Variants in CAPN3 observed in about 807,000 individuals in gnomAD.
The protein encoded by CAPN3 is calpain-3.
Under a neutral mutation model 114.0 loss-of-function variants are expected in CAPN3, and 88 were observed. The observed-to-expected ratio is 0.77, with a 90% CI of 0.65 to 0.92. The LOEUF (loss-of-function observed/expected upper bound fraction) is 0.92. Among genes scored for constraint, CAPN3 ranks in the 40% least tolerant of loss-of-function variants. CAPN3 has a pLI of 0.00. For synonymous variants in CAPN3, 386 were observed against 382.9 expected (o/e 1.01, Z -0.09); for missense variants, 1,028 against 1,069.0 (o/e 0.96, Z 0.53).
At chr15:42,391,102 A>G (rs977260173) in intron 6 of CAPN3, among the ~76,000 whole-genome samples, 1 of 152,082 alleles carries the variant, frequency 6.6e-6, no homozygotes, top group Admixed American at 6.6e-5. Flanking sequence ...CTAGTTTGAT[A>G]TTCTTAATGT....
At chr15:42,402,341 C>CT in intron 12 of CAPN3, 6 of 1,487,000 alleles carry the variant, frequency 4.0e-6, no homozygotes, top group Non-Finnish European at 5.3e-6. Context: ...TGTGCACTTT[C>CT]TCCCTCGCAC....
At chr15:42,407,311 G>C (rs1258892680) in intron 15 of CAPN3, among the ~76,000 whole-genome samples, 1 of 151,956 alleles carries the variant, frequency 6.6e-6, no homozygotes, top group African/African-American at 2.4e-5. Context: ...TAAAGGATGA[G>C]TAAACTGAGG....
intron 1 of CAPN3, among the ~76,000 whole-genome samples, chr15:42,365,171 G>A (rs918782917): frequency 6.6e-6 from 1 of 152,158 alleles, no homozygotes; most frequent in African/African-American, 2.4e-5. Flanking sequence ...GCTTGGAGAA[G>A]GAAGGGCCCA....
intron 19 of CAPN3, 36 bp from the exon 20 acceptor site, chr15:42,410,392 G>C (rs752172762): frequency 6.2e-7 from 1 of 1,602,254 alleles, no homozygotes; most frequent in Non-Finnish European, 8.6e-7. Context: ...GGGGGATTTT[G>C]CTGTGTGCTG....
rs777052520 is a variant in CAPN3 at position 42,359,864 on chromosome 15, C to T, written c.59C>T (p.Pro20Leu). 4 of 1,614,088 alleles carry T rather than the reference C, an allele frequency of 2.5e-6. No individual in the cohort carries two copies. In the East Asian group the frequency reaches 6.7e-5, roughly 27 times the overall value. The change falls in exon 1 of 24, where the codon CCA (proline) becomes CTA (leucine). Residue 20 changes from proline to leucine, a missense_variant. By Grantham distance (98) the Pro-to-Leu change is moderately conservative. Transcript: ENST00000397163. Reference protein sequence around the residue: ...APRTAAEPRSPGPVPHPAQSK... With the variant: ...APRTAAEPRSLGPVPHPAQSK... ...AGGACAGCGGCTGAGCCCCGGTCCC[C>T]AGGGCCAGTTCCTCACCCGGCCCAG...
At chr15:42,399,337 C>T (rs1566979309) in intron 9 of CAPN3, among the ~76,000 whole-genome samples, 155 bp from the exon 10 acceptor site, 3 of 152,128 alleles carry the variant, frequency 2.0e-5, no homozygotes, top group Admixed American at 6.6e-5. Flanking sequence ...GAAGTGACAG[C>T]GTTTGCCCTA....
intron 2 of CAPN3, among the ~76,000 whole-genome samples, chr15:42,385,049 G>T (rs1397857289): frequency 2.0e-5 from 3 of 152,204 alleles, no homozygotes; most frequent in Non-Finnish European, 4.4e-5. Flanking sequence ...ATGTGGATGA[G>T]CATCCAATTT....
At chr15:42,367,593 C>T (rs951319322) in intron 1 of CAPN3, among the ~76,000 whole-genome samples, 3 of 152,162 alleles carry the variant, frequency 2.0e-5, no homozygotes, top group African/African-American at 4.8e-5. Context: ...CTACTTTCAG[C>T]CTTTCCAGAT....
intron 8 of CAPN3, among the ~76,000 whole-genome samples, chr15:42,394,824 A>T (rs1239241665): frequency 6.6e-6 from 1 of 152,176 alleles, no homozygotes; most frequent in Non-Finnish European, 1.5e-5. Context: ...CCTTTGAAAG[A>T]ATTTTACTGC....
At chr15:42,407,908 GTC>G (rs1213217647) in intron 15 of CAPN3, among the ~76,000 whole-genome samples, 6 of 151,802 alleles carry the variant, frequency 4.0e-5, no homozygotes, top group Non-Finnish European at 7.4e-5. Flanking sequence ...AAAAAAAAAA[GTC>G]TACAAAATAC....
At chr15:42,396,732 C>T (rs1009274347) in intron 8 of CAPN3, 68 bp from the exon 9 acceptor site, 1 of 1,220,676 alleles carries the variant, frequency 8.2e-7, no homozygotes. Flanking sequence ...TCTCTGATAC[C>T]TCCTGTCCCA....
intron 1 of CAPN3, among the ~76,000 whole-genome samples, chr15:42,368,986 A>G (rs1407047971): frequency 3.3e-5 from 5 of 152,252 alleles, no homozygotes; most frequent in Non-Finnish European, 7.3e-5. Flanking sequence ...AAATGGCTCA[A>G]TAAAGACAGG....
intron 4 of CAPN3, 114 bp downstream of exon 4, chr15:42,388,000 T>A (rs1441123487): frequency 7.7e-7 from 1 of 1,294,076 alleles, no homozygotes; most frequent in East Asian, 2.3e-5. Context: ...TGCATATGTG[T>A]GGGCATGCAA....
intron 23 of CAPN3, 54 bp from the exon 24 acceptor site, chr15:42,411,693 G>GC (rs1555423371): frequency 2.1e-5 from 15 of 708,858 alleles, no homozygotes; most frequent in Middle Eastern, 3.7e-4. Context: ...TAGGGCGGGG[G>GC]GGGGGGGGGT....
At position 42,410,096 on chromosome 15, in the gene CAPN3, C is replaced by T. The variant is rs993064356; in HGVS notation, c.2115+101C>T. 3 of 1,085,996 alleles carry T rather than the reference C, an allele frequency of 2.8e-6. No individual in the cohort carries two copies. The African/African-American group carries it at 4.6e-5, about 17-fold the overall frequency. 67.3% of individuals were successfully genotyped at this position (1,085,996 alleles called of 1,614,324 possible). A position where few individuals can be genotyped will look rare whatever the true frequency, so the allele number is the denominator to read the frequency against. On this transcript the variant is annotated intron_variant, in intron 19 of 23. Transcript: ENST00000397163. ...TCAGGCAAAGGGCCCTAATTTGTGC[C>T]CAGGGAAACTTAAGGAGACCCTGAT...
At chr15:42,401,547 G>A in intron 10 of CAPN3, 94 bp from the exon 11 acceptor site, 2 of 1,015,260 alleles carry the variant, frequency 2.0e-6, no homozygotes, top group South Asian at 1.3e-5. Context: ...GCACCTAGAT[G>A]TAGGGAATAG....
intron 1 of CAPN3, chr15:42,374,080 C>T (rs1004114111): frequency 6.6e-6 from 1 of 152,500 alleles, no homozygotes; most frequent in Admixed American, 6.5e-5. Flanking sequence ...CTCTCCCCTC[C>T]CTGGCTCCCT....
intron 7 of CAPN3, 87 bp downstream of exon 7, chr15:42,392,809 T>A: frequency 1.0e-6 from 1 of 982,866 alleles, no homozygotes; most frequent in South Asian, 1.4e-5. Flanking sequence ...GCCCCTTCCC[T>A]GTCTGCAGAG....
Position 42,392,711 on chromosome 15 carries a change from G to A in CAPN3, c.1018G>A (p.Gly340Arg). ...LVRGHAYSVT[G>R]LDEVPFKGEK... ...CAGAGGTCACGCCTACTCTGTCACGGGGCTGGATGAGGTAAGCCTGGTGGG... is the reference window on the plus strand; with the variant it reads ...CAGAGGTCACGCCTACTCTGTCACGAGGCTGGATGAGGTAAGCCTGGTGGG... Residue 340 changes from glycine to arginine, a missense_variant, in exon 7 of 24, where the codon GGG (glycine) becomes AGG (arginine). By Grantham distance (125) the Gly-to-Arg change is moderately radical (BLOSUM62 -2). Transcript: ENST00000397163. The A allele has an allele frequency of 1.9e-6, 3 of 1,613,796 alleles. No homozygotes were observed. The highest frequency in any genetic ancestry group is 2.5e-6 in the Non-Finnish European group (3 of 1,179,790).
Sources: gnomAD v4.1 joint callset for allele counts (sites outside exome capture counted in the v4.1 genomes callset) on GRCh38, gnomAD v4.1.1 for gene constraint, MANE v1.5 for transcripts, NCBI Gene and HGNC (gene_info 2026-07-23, HGNC 2026-07-21) for gene names.